The following SOX5 variants were observed in gnomAD, a reference collection of about 807,000 sequenced individuals.
SOX5 encodes the protein SRY-box transcription factor 5, also known as transcription factor SOX-5.
In SOX5, 9 loss-of-function variants were observed where a neutral mutation model predicts 92.0. That is an observed-to-expected ratio of 0.10 (90% CI 0.06 to 0.17). The LOEUF (loss-of-function observed/expected upper bound fraction) is 0.17. SOX5 is among the 10% of genes least tolerant of loss of function. The probability of loss-of-function intolerance (pLI) is 1.00; values close to 1 mark genes in which losing one functional copy is unlikely to be tolerated. For missense variants in SOX5, 642 were observed against 944.5 expected (o/e 0.68, Z 4.20); for synonymous variants, 344 against 336.3 (o/e 1.02, Z -0.25).
chr12:24,197,785 G>T (rs1957145520), intron 4 of SOX5, among the ~76,000 whole-genome samples: 1 of 152,160 alleles, frequency 6.6e-6, no homozygotes, highest in Non-Finnish European at 1.5e-5. Context: ...GATAGCATGA[G>T]GAGACAGCTG....
At chr12:23,928,093 G>C (rs548000603) in intron 1 of SOX5, among the ~76,000 whole-genome samples, 1 of 152,152 alleles carries the variant, frequency 6.6e-6, no homozygotes, top group East Asian at 1.9e-4. Flanking sequence ...AAGGACAGTG[G>C]AGTACAGCAC....
chr12:24,482,490 C>A (rs539378566), intron 1 of SOX5, among the ~76,000 whole-genome samples: 5 of 152,128 alleles, frequency 3.3e-5, no homozygotes, highest in Admixed American at 6.6e-5. Flanking sequence ...TCAATATACA[C>A]CAGTGTAAAG....
intron 1 of SOX5, among the ~76,000 whole-genome samples, chr12:23,920,779 C>T (rs1937982851): frequency 6.6e-6 from 1 of 151,982 alleles, no homozygotes; most frequent in Admixed American, 6.5e-5. Context: ...ATTTGAGGTC[C>T]TCCAAAATAA....
At chr12:24,239,247 C>T (rs566514752) in intron 3 of SOX5, among the ~76,000 whole-genome samples, 30 of 152,220 alleles carry the variant, frequency 2.0e-4, no homozygotes, top group African/African-American at 5.8e-4. Flanking sequence ...TATTTACAAA[C>T]GCTTAGAGTA....
chr12:24,067,916 G>A lies in SOX5; in HGVS notation c.-2+145427C>T, dbSNP rs902955869. Among the ~76,000 whole-genome samples, 4 of 152,220 alleles carry A rather than the reference G, an allele frequency of 2.6e-5. No homozygotes were observed. The South Asian group carries it at 6.2e-4, about 24-fold the overall frequency. ...TCCCAGCACTATGGGAGGCCGAGGC[G>A]GGCGGATTGCCTGAGCTCAGGAGTT... is the stretch of plus-strand genomic sequence containing the variant. On this transcript the variant is annotated intron_variant, in intron 4 of 4. Coordinates refer to the SOX5 transcript ENST00000446891.
intron 3 of SOX5, among the ~76,000 whole-genome samples, chr12:23,756,686 C>A (rs1334199120): frequency 6.6e-6 from 1 of 151,718 alleles, no homozygotes; most frequent in Non-Finnish European, 1.5e-5. Context: ...ATAACAATAC[C>A]CACACTTATT....
chr12:24,100,067 T>C (rs560109075), intron 4 of SOX5, among the ~76,000 whole-genome samples: 8 of 152,294 alleles, frequency 5.3e-5, no homozygotes, highest in African/African-American at 1.7e-4. Flanking sequence ...AGGAGTGCTC[T>C]TCCTTTAAAA....
chr12:24,341,084 A>C (rs528259610), intron 2 of SOX5, among the ~76,000 whole-genome samples: 140 of 152,336 alleles, frequency 9.2e-4, no homozygotes, highest in African/African-American at 3.3e-3. Flanking sequence ...CATAGTACAA[A>C]AGTCCTTGGG....
At chr12:23,758,885 G>A (rs1388848315) in intron 3 of SOX5, among the ~76,000 whole-genome samples, 1 of 151,878 alleles carries the variant, frequency 6.6e-6, no homozygotes, top group Non-Finnish European at 1.5e-5. Context: ...GGACGATGCA[G>A]CAAGAAGGCC....
At chr12:24,251,297 A>T (rs1939982696) in intron 3 of SOX5, among the ~76,000 whole-genome samples, 1 of 152,368 alleles carries the variant, frequency 6.6e-6, no homozygotes, top group Middle Eastern at 3.4e-3. Context: ...TGCCAAAAGT[A>T]TGTTAAGGTT....
At position 24,541,664 on chromosome 12, in the gene SOX5, T is replaced by C. The variant is rs1388623789; in HGVS notation, c.-251+20665A>G. On this transcript the variant is annotated intron_variant, in intron 1 of 4. Coordinates refer to the SOX5 transcript ENST00000446891. ...ACAGGGATAAAATAAACACACTTGT[T>C]GTCCTTTCAAAGAAAGTCAATAGCA... Among the ~76,000 whole-genome samples, 8 of 152,200 alleles carry C rather than the reference T, an allele frequency of 5.3e-5. No homozygotes were observed. In the East Asian group the frequency reaches 1.5e-3, roughly 29 times the overall value.
At chr12:23,860,978 A>AC (rs1794876612) in intron 2 of SOX5, among the ~76,000 whole-genome samples, 1 of 146,622 alleles carries the variant, frequency 6.8e-6, no homozygotes, top group South Asian at 2.2e-4. Context: ...AAAAAAAAAA[A>AC]CCCTGCCAAC....
At chr12:23,655,804 T>G (rs1443464770) in intron 7 of SOX5, among the ~76,000 whole-genome samples, 2 of 152,074 alleles carry the variant, frequency 1.3e-5, no homozygotes, top group African/African-American at 4.8e-5. Flanking sequence ...AGTTAATAAA[T>G]GTTGTCATTA....
rs562210340 is a variant in SOX5, at chr12:23,623,848, G to T, written c.1017+16964C>A. ...CCACTTTTGGGTATATACCGAAAAT[G>T]GACTGAAAGCAGGATCTAGAAGAGA... On this transcript the variant is annotated intron_variant, in intron 8 of 14. Coordinates refer to ENST00000451604, the MANE Select transcript of SOX5 (RefSeq NM_006940.6). Among the ~76,000 whole-genome samples the T allele has an allele frequency of 3.9e-5, 6 of 152,108 alleles. No individual in the cohort carries two copies. The East Asian group carries it at 7.7e-4, about 20-fold the overall frequency.
intron 1 of SOX5, among the ~76,000 whole-genome samples, chr12:24,531,162 C>G (rs1951166991): frequency 6.6e-6 from 1 of 152,042 alleles, no homozygotes; most frequent in South Asian, 2.1e-4. Context: ...AAGAAACTCC[C>G]TGAAATATGT....
chr12:24,085,377 T>TTTGTGCCCACTTTACAGAGGTCAACTAAC (rs1469770872), intron 4 of SOX5, among the ~76,000 whole-genome samples: 2 of 152,100 alleles, frequency 1.3e-5, no homozygotes, highest in Non-Finnish European at 2.9e-5. Flanking sequence ...TGGATACAAC[T>TTTGTGCCCACTTTACAGAGGTCAACTAAC]TTGTGCCCAC....
chr12:23,817,159 GTT>G (rs1202852884), intron 3 of SOX5, among the ~76,000 whole-genome samples: 2 of 152,162 alleles, frequency 1.3e-5, no homozygotes, highest in Non-Finnish European at 2.9e-5. Flanking sequence ...AAGCATATAT[GTT>G]TTTATTATGG....
chr12:23,636,264 T>C (rs746976385), intron 8 of SOX5, among the ~76,000 whole-genome samples: 68 of 152,300 alleles, frequency 4.5e-4, no homozygotes, highest in Middle Eastern at 3.4e-3. Context: ...ATAACAAATA[T>C]ATATGATGAT....
chr12:23,984,866 G>A (rs997469506), intron 4 of SOX5, among the ~76,000 whole-genome samples: 2 of 152,116 alleles, frequency 1.3e-5, no homozygotes, highest in African/African-American at 4.8e-5. Context: ...AATAATAATT[G>A]TAATTAGTAT....
Sources: gnomAD v4.1 joint callset for allele counts (sites outside exome capture counted in the v4.1 genomes callset) on GRCh38, gnomAD v4.1.1 for gene constraint, MANE v1.5 for transcripts, NCBI Gene and HGNC (gene_info 2026-07-23, HGNC 2026-07-21) for gene names.